Variants in APOBEC3F observed in about 807,000 individuals in gnomAD.
The protein encoded by APOBEC3F is DNA dC->dU-editing enzyme APOBEC-3F.
Under a neutral mutation model 45.8 loss-of-function variants are expected in APOBEC3F, and 34 were observed. That is an observed-to-expected ratio of 0.74 (90% CI 0.57 to 0.99). APOBEC3F has a LOEUF of 0.99. Among genes scored for constraint, APOBEC3F ranks in the 50% least tolerant of loss-of-function variants. The pLI is 0.00. For synonymous variants in APOBEC3F, 192 were observed against 174.4 expected, an observed-to-expected ratio of 1.10 and a Z score of -0.80; for missense variants, 459 against 474.1, an observed-to-expected ratio of 0.97 and a Z score of 0.30.
chr22:39,045,377 C>T (rs111807650), intron 3 of APOBEC3F, 51 bp from the exon 4 acceptor site: 88 of 1,613,084 alleles, frequency 5.5e-5, no homozygotes, highest in Middle Eastern at 5.0e-4. Context: ...CCTGGGAGCG[C>T]GGGCCCAGGG....
rs534421293 is a variant in APOBEC3F at position 39,054,691 on chromosome 22, G to A, written c.*1996G>A. 2.6e-5 allele frequency among the ~76,000 whole-genome samples: 4 copies of A among 152,338 alleles called. No individual in the cohort carries two copies. Among genetic ancestry groups the A allele is most frequent in the Admixed American group, 6.5e-5 (1 of 15,304 alleles). On this transcript the variant is annotated 3_prime_UTR_variant, in exon 7 of 7. Transcript: ENST00000308521. Reference sequence around the variant, plus strand: ...ACATGGTGAACACCACCCGGACTGCGTGTATGTCCCAAATTACAATTCTTT... The same window carrying A: ...ACATGGTGAACACCACCCGGACTGCATGTATGTCCCAAATTACAATTCTTT...
At chr22:39,045,656 A>G in intron 4 of APOBEC3F, 114 bp downstream of exon 4, 1 of 1,552,064 alleles carries the variant, frequency 6.4e-7, no homozygotes, top group East Asian at 2.3e-5. Flanking sequence ...GCCTGCCCTC[A>G]TGGTTACACC....
Position 39,046,503 on chromosome 22 carries a change from A to G in APOBEC3F, c.566+961A>G, listed in dbSNP as rs1328969896. Reference sequence around the variant, plus strand: ...CCACCCCATGGCTTCCCCACCCAACAGCACCCAGCCCGGCCTCTGCTCACG... The same window carrying G: ...CCACCCCATGGCTTCCCCACCCAACGGCACCCAGCCCGGCCTCTGCTCACG... On this transcript the variant is annotated intron_variant, in intron 4 of 6. Coordinates refer to ENST00000308521, the MANE Select transcript of APOBEC3F (RefSeq NM_145298.6). Among the ~76,000 whole-genome samples the G allele has an allele frequency of 2.6e-5, 4 of 151,872 alleles. No individual in the cohort carries two copies. In the East Asian group the frequency reaches 7.7e-4, roughly 29 times the overall value.
chr22:39,047,929 A>G (rs903669393), intron 4 of APOBEC3F, among the ~76,000 whole-genome samples: 6 of 152,182 alleles, frequency 3.9e-5, no homozygotes, highest in African/African-American at 2.4e-5. Flanking sequence ...TTGTTTCAAC[A>G]CAAAGTCTTA....
chr22:39,047,061 C>G (rs558438021), intron 4 of APOBEC3F, among the ~76,000 whole-genome samples: 7 of 152,228 alleles, frequency 4.6e-5, no homozygotes, highest in Non-Finnish European at 8.8e-5. Flanking sequence ...GACATAGGGA[C>G]AAGAGCTCAG....
In APOBEC3F at chr22:39,052,230, C is replaced by T; in HGVS notation, c.880C>T (p.His294Tyr). Residue 294 changes from histidine (H) to tyrosine (Y), a missense_variant, in exon 6 of 7, where the codon CAC becomes TAC. His to Tyr is a moderately conservative substitution (Grantham distance 83). Transcript: ENST00000308521. ...AGEVAEFLAR[H>Y]SNVNLTIFTA... ...GGAGGTGGCCGAGTTCCTGGCCAGG[C>T]ACAGCAACGTGAATCTCACCATCTT... The T allele has an allele frequency of 7.4e-6, 12 of 1,614,210 alleles. No homozygotes were observed. The highest frequency in any genetic ancestry group is 1.0e-5 in the Non-Finnish European group (12 of 1,180,044).
At chr22:39,043,576 T>C (rs1927041201) in intron 2 of APOBEC3F, among the ~76,000 whole-genome samples, 1 of 150,360 alleles carries the variant, frequency 6.7e-6, no homozygotes, top group African/African-American at 2.4e-5. Flanking sequence ...TCCCAAAGTG[T>C]TGGGATTACA....
intron 2 of APOBEC3F, chr22:39,044,502 A>G (rs1408314367): frequency 1.7e-5 from 14 of 841,528 alleles, no homozygotes; most frequent in Admixed American, 1.5e-4. Flanking sequence ...ACGTGGGGGT[A>G]AAGGTTGTTG....
chr22:39,041,022 CCTGCCTGGTGGCT>C (rs1469879242), intron 1 of APOBEC3F, 45 bp downstream of exon 1: 1 of 1,570,842 alleles, frequency 6.4e-7, no homozygotes, highest in East Asian at 2.3e-5. Context: ...GCTGCCCCTT[CCTGCCTGGTGGCT>C]CTGCTGGGCG....
Position 39,052,848 on chromosome 22 carries a change from A to C in APOBEC3F, c.*153A>C, listed in dbSNP as rs1317170826. 5 of 1,433,392 alleles carry C rather than the reference A, an allele frequency of 3.5e-6. No homozygotes were observed. Among genetic ancestry groups the C allele is most frequent in the South Asian group, 1.6e-5 (1 of 63,998 alleles). 88.8% of individuals were successfully genotyped at this position (1,433,392 alleles called of 1,614,324 possible). ...TTCCATAGTGCTCCCCTGCCTCACCACCTCCTCTCCGCTCTCCCAGGCTCT... is the reference window on the plus strand; with the variant it reads ...TTCCATAGTGCTCCCCTGCCTCACCCCCTCCTCTCCGCTCTCCCAGGCTCT... On this transcript the variant is annotated 3_prime_UTR_variant, in exon 7 of 7. Coordinates refer to ENST00000308521, the MANE Select transcript of APOBEC3F (RefSeq NM_145298.6).
chr22:39,052,971 C>A lies in APOBEC3F; in HGVS notation c.*276C>A. The A allele has an allele frequency of 4.1e-6, 2 of 488,620 alleles. No homozygotes were observed. The highest frequency in any genetic ancestry group is 6.2e-6 in the Non-Finnish European group (2 of 323,606). 30.3% of individuals were successfully genotyped at this position (488,620 alleles called of 1,614,324 possible). ...GCCCCTAACCTGCCTTTTCCCATCT[C>A]CCCAGCATAACCTAATATTTTTTTT... is the stretch of plus-strand genomic sequence containing the variant. On this transcript the variant is annotated 3_prime_UTR_variant, in exon 7 of 7. Transcript: ENST00000308521.
At chr22:39,046,640 C>T (rs1172308947) in intron 4 of APOBEC3F, among the ~76,000 whole-genome samples, 2 of 149,370 alleles carry the variant, frequency 1.3e-5, no homozygotes, top group Non-Finnish European at 3.0e-5. Context: ...TTTTTTGAGA[C>T]ACTGTCTCCC....
intron 4 of APOBEC3F, among the ~76,000 whole-genome samples, chr22:39,048,444 T>A (rs1017761677): frequency 2.0e-5 from 3 of 151,452 alleles, no homozygotes; most frequent in Non-Finnish European, 4.4e-5. Flanking sequence ...GGAGGCTGAG[T>A]CGGGCAGATC....
chr22:39,055,808 C>T lies in APOBEC3F; in HGVS notation c.*3113C>T, dbSNP rs765700272. On this transcript the variant is annotated 3_prime_UTR_variant, in exon 7 of 7. Coordinates refer to ENST00000308521, the MANE Select transcript of APOBEC3F (RefSeq NM_145298.6). ...CCCCCACCACTGATGCATGTAGCCCCCCAGTCACGTAGCCCACGCTTGCAC... is the reference window on the plus strand; with the variant it reads ...CCCCCACCACTGATGCATGTAGCCCTCCAGTCACGTAGCCCACGCTTGCAC... 2.6e-5 allele frequency among the ~76,000 whole-genome samples: 4 copies of T among 152,084 alleles called. No individual in the cohort carries two copies. The highest frequency in any genetic ancestry group is 4.8e-5 in the African/African-American group (2 of 41,386).
intron 4 of APOBEC3F, among the ~76,000 whole-genome samples, chr22:39,047,599 CT>C (rs908321872): frequency 1.3e-5 from 2 of 152,124 alleles, no homozygotes; most frequent in Non-Finnish European, 2.9e-5. Flanking sequence ...CCCCCTGCCC[CT>C]GCCCCAGCGC....
Position 39,049,580 on chromosome 22 carries a change from A to G in APOBEC3F, c.722A>G (p.Gln241Arg). ...TGGAAGAGGGGCGTCTTCCGAAACC[A>G]GGTAGCACCAAAGTCCTATTTACAC... is the stretch of plus-strand genomic sequence containing the variant. ...VSWKRGVFRN[Q>R]VDPETHCHAE... Residue 241 changes from glutamine to arginine, a missense_variant and splice_region_variant, in exon 5 of 7, where the codon CAG becomes CGG. Physicochemically the swap from Gln to Arg is conservative, Grantham distance 43. Coordinates refer to ENST00000308521, the MANE Select transcript of APOBEC3F (RefSeq NM_145298.6). 6.2e-7 allele frequency: 1 copy of G among 1,614,030 alleles called. No individual in the cohort carries two copies. Among genetic ancestry groups the G allele is most frequent in the Non-Finnish European group, 8.5e-7 (1 of 1,179,962 alleles).
At chr22:39,043,970 A>G in intron 2 of APOBEC3F, 3 of 1,396,676 alleles carry the variant, frequency 2.1e-6, no homozygotes, top group South Asian at 1.6e-5. Flanking sequence ...GGTTGTAGTG[A>G]GCCGAGATTG....
At chr22:39,047,678 G>C (rs1342200014) in intron 4 of APOBEC3F, among the ~76,000 whole-genome samples, 2 of 151,960 alleles carry the variant, frequency 1.3e-5, no homozygotes, top group Non-Finnish European at 2.9e-5. Flanking sequence ...CTGCTATGTG[G>C]TCGCCCCTTT....
chr22:39,048,822 T>C (rs1927342158), intron 4 of APOBEC3F, among the ~76,000 whole-genome samples: 1 of 146,642 alleles, frequency 6.8e-6, no homozygotes, highest in Admixed American at 6.8e-5. Flanking sequence ...AATAAATAAA[T>C]AAAAGTACAA....
Sources: gnomAD v4.1 joint callset for allele counts (sites outside exome capture counted in the v4.1 genomes callset) on GRCh38, gnomAD v4.1.1 for gene constraint, MANE v1.5 for transcripts, NCBI Gene and HGNC (gene_info 2026-07-23, HGNC 2026-07-21) for gene names.